ENTREP2: variants seen among roughly 807,000 people sequenced by gnomAD.
ENTREP2 encodes the protein protein ENTREP2.
At chr15:29,295,580 T>A in the ENTREP2 span, among the ~76,000 whole-genome samples, 2 of 152,186 alleles carry the variant, frequency 1.3e-5, no homozygotes, top group Non-Finnish European at 2.9e-5. Context: ...GTTTATAAAT[T>A]AAGCAAATAA....
the ENTREP2 span, among the ~76,000 whole-genome samples, chr15:29,449,300 A>T: frequency 6.6e-6 from 1 of 152,220 alleles, no homozygotes; most frequent in Non-Finnish European, 1.5e-5. Flanking sequence ...AACCAGGGAC[A>T]GGACAACCTC....
At chr15:29,255,783 A>C in the ENTREP2 span, among the ~76,000 whole-genome samples, 4 of 151,962 alleles carry the variant, frequency 2.6e-5, no homozygotes, top group African/African-American at 4.8e-5. Context: ...GGGCGGATCA[A>C]AAGGTCAGGA....
the ENTREP2 span, among the ~76,000 whole-genome samples, chr15:29,467,422 T>C: frequency 3.3e-5 from 5 of 152,290 alleles, no homozygotes; most frequent in African/African-American, 1.2e-4. Flanking sequence ...GCCTGTTCCC[T>C]TCAGAAACTA....
the ENTREP2 span, among the ~76,000 whole-genome samples, chr15:29,235,765 A>G: frequency 6.6e-6 from 1 of 152,168 alleles, no homozygotes; most frequent in Non-Finnish European, 1.5e-5. Flanking sequence ...GGAATTCAAG[A>G]CCAGCATGGC....
chr15:29,554,023 G>T, the ENTREP2 span, among the ~76,000 whole-genome samples: 3 of 152,260 alleles, frequency 2.0e-5, no homozygotes, highest in South Asian at 6.2e-4. Flanking sequence ...CATTTAAAAG[G>T]AAGGAAGGGG....
chr15:29,397,202 C>T, the ENTREP2 span, among the ~76,000 whole-genome samples: 2 of 152,006 alleles, frequency 1.3e-5, no homozygotes, highest in African/African-American at 4.8e-5. Context: ...GACAGCCTGG[C>T]CAACATGGTG....
the ENTREP2 span, among the ~76,000 whole-genome samples, chr15:29,516,277 G>T: frequency 6.6e-6 from 1 of 152,144 alleles, no homozygotes; most frequent in East Asian, 1.9e-4. Context: ...TACATGGATG[G>T]TAACTGAACC....
the ENTREP2 span, among the ~76,000 whole-genome samples, chr15:29,255,055 AC>A: frequency 6.6e-6 from 1 of 152,310 alleles, no homozygotes; most frequent in African/African-American, 2.4e-5. Flanking sequence ...TCCTTTCAAC[AC>A]AACTCCAGTA....
At chr15:29,335,474 T>C in the ENTREP2 span, among the ~76,000 whole-genome samples, 11 of 152,172 alleles carry the variant, frequency 7.2e-5, no homozygotes, top group African/African-American at 2.7e-4. Flanking sequence ...GTGAACAGTG[T>C]CACTGCAACG....
At chr15:29,258,230 A>AGG in the ENTREP2 span, among the ~76,000 whole-genome samples, 3 of 127,240 alleles carry the variant, frequency 2.4e-5, no homozygotes, top group South Asian at 2.8e-4. Context: ...AAAAAAAAAA[A>AGG]AAAGAAAGAA....
At chr15:29,371,349 A>ACAC in the ENTREP2 span, among the ~76,000 whole-genome samples, 2 of 133,892 alleles carry the variant, frequency 1.5e-5, no homozygotes, top group African/African-American at 5.4e-5. Context: ...CACCCCCGCA[A>ACAC]ACACACACAC....
chr15:29,158,409 T>TCC, the ENTREP2 span, among the ~76,000 whole-genome samples: 67 of 145,928 alleles, frequency 4.6e-4, 1 homozygote, highest in Admixed American at 4.3e-3. Flanking sequence ...CTCTGCCTTT[T>TCC]TTTTTTTTTT....
At chr15:29,234,519 G>A in the ENTREP2 span, 1 of 1,392,054 alleles carries the variant, frequency 7.2e-7, no homozygotes, top group Non-Finnish European at 1.0e-6. Flanking sequence ...CCAACGGCAA[G>A]GTAATATGGT....
At chr15:29,610,984 G>T in the ENTREP2 span, 1 of 152,344 alleles carries the variant, frequency 6.6e-6, no homozygotes, top group Non-Finnish European at 1.5e-5. Flanking sequence ...CATGATTCAT[G>T]TGGGCTGGTC....
chr15:29,269,015 G>A, the ENTREP2 span: 1 of 1,614,122 alleles, frequency 6.2e-7, no homozygotes, highest in Non-Finnish European at 8.5e-7. Context: ...TCCAGGTAAC[G>A]CTGTCGCACA....
the ENTREP2 span, among the ~76,000 whole-genome samples, chr15:29,465,348 A>G: frequency 6.6e-6 from 1 of 152,176 alleles, no homozygotes; most frequent in African/African-American, 2.4e-5. Flanking sequence ...AGGCAAACAG[A>G]ATCATTGTCC....
At chr15:29,332,611 A>G in the ENTREP2 span, among the ~76,000 whole-genome samples, 1 of 152,164 alleles carries the variant, frequency 6.6e-6, no homozygotes, top group Non-Finnish European at 1.5e-5. Context: ...ATAGTGCCCA[A>G]TGCATCGCCC....
chr15:29,135,087 G>A, the ENTREP2 span, among the ~76,000 whole-genome samples: 1 of 151,918 alleles, frequency 6.6e-6, no homozygotes, highest in African/African-American at 2.4e-5. The surrounding 1 kb of genome is among the most constrained non-coding windows in gnomAD (Gnocchi z 7.4). Context: ...TCTGCTTGTT[G>A]CTTGGGCTCA....
chr15:29,341,691 T>C, the ENTREP2 span, among the ~76,000 whole-genome samples: 1 of 151,870 alleles, frequency 6.6e-6, no homozygotes, highest in Non-Finnish European at 1.5e-5. Flanking sequence ...AAGGGAATAG[T>C]GAAGTACTCC....
Sources: gnomAD v4.1 joint callset for allele counts (sites outside exome capture counted in the v4.1 genomes callset) on GRCh38, gnomAD v4.1.1 for gene constraint, Gnocchi (gnomAD v3.1) non-coding constraint, MANE v1.5 for transcripts, NCBI Gene and HGNC (gene_info 2026-07-23, HGNC 2026-07-21) for gene names.